The following PACC1 variants were observed in gnomAD, a reference collection of about 807,000 sequenced individuals.
PACC1 encodes proton-activated chloride channel.
PACC1 carries 34 observed loss-of-function variants against 39.7 expected under a neutral mutation model. The ratio of observed to expected loss-of-function variants is 0.86; its 90% CI spans 0.65 to 1.14. The LOEUF is 1.14. Among genes scored for constraint, PACC1 ranks in the 50% most tolerant of loss-of-function variants. The pLI, the probability that PACC1 is intolerant of heterozygous loss-of-function variation, is 0.00. For synonymous variants in PACC1, 127 were observed against 160.6 expected (o/e 0.79, Z 1.58); for missense variants, 379 against 436.4 (o/e 0.87, Z 1.17).
intron 7 of PACC1, among the ~76,000 whole-genome samples, chr1:212,370,236 G>A (rs865920675): frequency 1.3e-5 from 2 of 152,238 alleles, no homozygotes; most frequent in Non-Finnish European, 1.5e-5. Flanking sequence ...GGAGATCAAG[G>A]TGGGCAGATC....
intron 2 of PACC1, among the ~76,000 whole-genome samples, chr1:212,408,242 T>A (rs1467215047): frequency 6.6e-6 from 1 of 151,942 alleles, no homozygotes; most frequent in Non-Finnish European, 1.5e-5. Context: ...CTTCACAGGG[T>A]TGATGTGAGA....
At chr1:212,394,564 T>C (rs991351609) in intron 2 of PACC1, among the ~76,000 whole-genome samples, 2 of 152,110 alleles carry the variant, frequency 1.3e-5, no homozygotes, top group Admixed American at 6.6e-5. Context: ...CTATTCAACA[T>C]AGTGTTGGAA....
intron 2 of PACC1, among the ~76,000 whole-genome samples, chr1:212,398,832 C>T (rs956481970): frequency 2.0e-5 from 3 of 152,214 alleles, no homozygotes; most frequent in African/African-American, 7.2e-5. Flanking sequence ...CTCAAATTCT[C>T]CCCGAGAAAG....
At position 212,414,758 on chromosome 1, in the gene PACC1, G is replaced by C; in HGVS notation, c.-1C>G. Reference sequence around the variant, plus strand: ...ATGTGGAGCGCTCCTGCCGGATCATGGCACTGACCAGAGCTTCGGCACACC... The same window carrying C: ...ATGTGGAGCGCTCCTGCCGGATCATCGCACTGACCAGAGCTTCGGCACACC... On this transcript the variant is annotated 5_prime_UTR_variant, in exon 1 of 8. Coordinates refer to ENST00000261455, the MANE Select transcript of PACC1 (RefSeq NM_018252.3). The C allele has an allele frequency of 6.2e-7, 1 of 1,613,494 alleles. No homozygotes were observed. The highest frequency in any genetic ancestry group is 8.5e-7 in the Non-Finnish European group (1 of 1,179,496).
rs184078966 is a variant in PACC1, at chr1:212,385,809, C to T, written c.344-384G>A. 2.8e-3 allele frequency among the ~76,000 whole-genome samples: 419 copies of T among 152,268 alleles called. 4 individuals are homozygous for T. The highest frequency in any genetic ancestry group is 0.01 in the Middle Eastern group (3 of 294). ...TGGGAGGCTCTAAACTGTGGAACTC[C>T]TCAGAACTCATTTTGTCTCTTAGAC... On this transcript the variant is annotated intron_variant, in intron 3 of 7. Transcript: ENST00000261455.
Position 212,377,710 on chromosome 1 carries a change from G to A in PACC1, c.639-4C>T. On this transcript the variant is annotated splice_polypyrimidine_tract_variant and splice_region_variant and intron_variant, in intron 5 of 7. Transcript: ENST00000261455. ...CATGAAGCCTACCCTGTTTGGGCTT[G>A]GAGGAAGGAAGGAGAAGGAAGATCC... 6.2e-7 allele frequency: 1 copy of A among 1,613,874 alleles called. No individual in the cohort carries two copies. Among genetic ancestry groups the A allele is most frequent in the Non-Finnish European group, 8.5e-7 (1 of 1,179,902 alleles).
rs1331182658 is a variant in PACC1 at position 212,414,873 on chromosome 1, G to C, written c.-116C>G. ...CTCCGCGAGGCGAAACCGGTCCGGA[G>C]GGGCGTCCCAGAGACCAGGCGTGGC... On this transcript the variant is annotated 5_prime_UTR_variant, in exon 1 of 8. Transcript: ENST00000261455. The C allele has an allele frequency of 7.2e-7, 1 of 1,389,870 alleles. No individual in the cohort carries two copies. Among genetic ancestry groups the C allele is most frequent in the Non-Finnish European group, 9.9e-7 (1 of 1,005,930 alleles). 86.1% of individuals were successfully genotyped at this position (1,389,870 alleles called of 1,614,324 possible).
chr1:212,402,445 G>A (rs1661751196), intron 2 of PACC1, among the ~76,000 whole-genome samples: 1 of 152,116 alleles, frequency 6.6e-6, no homozygotes, highest in South Asian at 2.1e-4. Context: ...GTGCTTACTA[G>A]TCATTTGTAT....
At chr1:212,390,275 G>C (rs1455130889) in intron 2 of PACC1, among the ~76,000 whole-genome samples, 1 of 151,708 alleles carries the variant, frequency 6.6e-6, no homozygotes, top group Non-Finnish European at 1.5e-5. Flanking sequence ...ATACAAAAAT[G>C]AGCTGGGCGT....
Position 212,385,414 on chromosome 1 carries a change from A to G in PACC1, c.355T>C (p.Tyr119His). The G allele has an allele frequency of 6.2e-7, 1 of 1,614,082 alleles. No individual in the cohort carries two copies. Among genetic ancestry groups the G allele is most frequent in the Non-Finnish European group, 8.5e-7 (1 of 1,179,962 alleles). The stretch of plus-strand genomic sequence containing the variant: ...CTGAGCAACTGGGCCTGACCGGGGT[A>G]CAAGGCAATACCTGGGGGCACAAAC... The part of the protein sequence containing the change: ...DRYDAPGIAL[Y>H]PGQAQLLSCK... The change falls in exon 4 of 8, where the codon TAC becomes CAC. Residue 119 changes from tyrosine to histidine, a missense_variant. By Grantham distance (83) the Tyr-to-His change is moderately conservative. Transcript: ENST00000261455.
At chr1:212,404,176 A>G (rs1661819432) in intron 2 of PACC1, among the ~76,000 whole-genome samples, 2 of 151,624 alleles carry the variant, frequency 1.3e-5, no homozygotes, top group Admixed American at 6.6e-5. Context: ...GCGCGATCTC[A>G]GCTCACTGCA....
intron 7 of PACC1, among the ~76,000 whole-genome samples, chr1:212,369,005 G>A (rs1438816689): frequency 2.1e-5 from 3 of 142,668 alleles, no homozygotes; most frequent in East Asian, 4.2e-4. Context: ...CAGCCTGGGT[G>A]ACAGGGTGAG....
At chr1:212,396,327 T>C (rs1400845874) in intron 2 of PACC1, among the ~76,000 whole-genome samples, 1 of 151,958 alleles carries the variant, frequency 6.6e-6, no homozygotes, top group Non-Finnish European at 1.5e-5. Context: ...CTCAGCAAAC[T>C]ATCACAAGGA....
At position 212,408,321 on chromosome 1, in the gene PACC1, C is replaced by G. The variant is rs74535987; in HGVS notation, c.133+2104G>C. ...AAGCAGTCAGGAAATGTTAGCTGCCCTTCCAGCCTCCTTCCTTCCAGGCAG... is the reference window on the plus strand; with the variant it reads ...AAGCAGTCAGGAAATGTTAGCTGCCGTTCCAGCCTCCTTCCTTCCAGGCAG... On this transcript the variant is annotated intron_variant, in intron 2 of 7. Coordinates refer to ENST00000261455, the MANE Select transcript of PACC1 (RefSeq NM_018252.3). 7.8e-3 allele frequency among the ~76,000 whole-genome samples: 1,186 copies of G among 152,058 alleles called. 17 individuals are homozygous for G. Among genetic ancestry groups the G allele is most frequent in the African/African-American group, 0.027 (1,116 of 41,506 alleles).
At position 212,364,984 on chromosome 1, in the gene PACC1, A is replaced by C. The variant is rs563263159; in HGVS notation, c.*231T>G. The stretch of plus-strand genomic sequence containing the variant: ...TGGCCAGCTCTTTAAAAAGTTTATT[A>C]ATAATTTAAATATTTAAATAACTTG... On this transcript the variant is annotated 3_prime_UTR_variant, in exon 8 of 8. Transcript: ENST00000261455. 5 of 297,044 alleles carry C rather than the reference A, an allele frequency of 1.7e-5. No individual in the cohort carries two copies. In the East Asian group the frequency reaches 2.9e-4, roughly 17 times the overall value. 18.4% of individuals were successfully genotyped at this position (297,044 alleles called of 1,614,324 possible). A position where few individuals can be genotyped will look rare whatever the true frequency, so the allele number is the denominator to read the frequency against.
intron 7 of PACC1, among the ~76,000 whole-genome samples, chr1:212,372,400 T>G (rs1660495289): frequency 6.6e-6 from 1 of 151,674 alleles, no homozygotes; most frequent in South Asian, 2.1e-4. Context: ...TAACATCATA[T>G]GGGGAAAAAT....
rs1257842678 is a variant in PACC1 at position 212,413,986 on chromosome 1, C to T, written c.36+736G>A. 8.5e-6 allele frequency: 13 copies of T among 1,535,552 alleles called. No individual in the cohort carries two copies. Among genetic ancestry groups the T allele is most frequent in the Admixed American group, 3.9e-5 (2 of 50,948 alleles). On this transcript the variant is annotated intron_variant, in intron 1 of 7. Coordinates refer to ENST00000261455, the MANE Select transcript of PACC1 (RefSeq NM_018252.3). ...CCAAAGATGACCAAGGTTTGGGGGC[C>T]GAGAAGTGGAGGCGGAGGAGGAGAG...
chr1:212,400,804 T>C (rs1661683669), intron 2 of PACC1, among the ~76,000 whole-genome samples: 1 of 152,172 alleles, frequency 6.6e-6, no homozygotes, highest in Non-Finnish European at 1.5e-5. Context: ...GAAAGGTAGT[T>C]TATATGCTTT....
At chr1:212,403,812 G>A (rs1293398901) in intron 2 of PACC1, among the ~76,000 whole-genome samples, 1 of 151,968 alleles carries the variant, frequency 6.6e-6, no homozygotes, top group African/African-American at 2.4e-5. Context: ...TGACTCACCC[G>A]CCTCAGCCTC....
Sources: allele counts gnomAD v4.1 joint callset (sites outside exome capture counted in the v4.1 genomes callset), GRCh38; gene constraint gnomAD v4.1.1; transcripts MANE v1.5; gene names NCBI Gene and HGNC (gene_info 2026-07-23, HGNC 2026-07-21).